Variants in MCC observed in about 807,000 individuals in gnomAD.
MCC encodes colorectal mutant cancer protein.
Under a neutral mutation model 116.2 loss-of-function variants are expected in MCC, and 90 were observed. The ratio of observed to expected loss-of-function variants is 0.77; its 90% CI spans 0.65 to 0.92. MCC has a LOEUF of 0.92. Among genes scored for constraint, MCC ranks in the 40% least tolerant of loss-of-function variants. The pLI is 0.00. For missense variants in MCC, 1,516 were observed against 1,312.2 expected (o/e 1.16, Z -2.40); for synonymous variants, 578 against 510.5 (o/e 1.13, Z -1.78).
At chr5:113,165,595 C>T (rs1343994972) in intron 3 of MCC, among the ~76,000 whole-genome samples, 1 of 152,106 alleles carries the variant, frequency 6.6e-6, no homozygotes, top group Non-Finnish European at 1.5e-5. Flanking sequence ...CTCTGTGACA[C>T]CCTTGAAAGA....
intron 3 of MCC, among the ~76,000 whole-genome samples, chr5:113,317,259 C>T (rs182506978): frequency 1.3e-5 from 2 of 152,288 alleles, no homozygotes; most frequent in South Asian, 2.1e-4. Flanking sequence ...TTTCTGTTCG[C>T]TAACCCACTT....
chr5:113,063,817 T>G (rs1266085354), intron 14 of MCC, among the ~76,000 whole-genome samples, 167 bp downstream of exon 14: 1 of 152,234 alleles, frequency 6.6e-6, no homozygotes, highest in Non-Finnish European at 1.5e-5. Context: ...GCTCTTCTGT[T>G]CTGATCTTCT....
rs921645012 is a variant in MCC, at chr5:113,023,864, A to G, written c.*3438T>C. ...TTATAATTCTCGTGGGCCATAGGAA[A>G]CACCTTCAGAAGGGAACAAGCAACT... On this transcript the variant is annotated 3_prime_UTR_variant, in exon 19 of 19. Coordinates refer to ENST00000408903, the MANE Select transcript of MCC (RefSeq NM_001085377.2). 18 of 152,342 alleles carry G rather than the reference A, an allele frequency of 1.2e-4. No homozygotes were observed. The highest frequency in any genetic ancestry group is 4.1e-4 in the African/African-American group (17 of 41,592). 9.4% of individuals were successfully genotyped at this position (152,342 alleles called of 1,614,324 possible).
intron 11 of MCC, among the ~76,000 whole-genome samples, chr5:113,073,596 C>T (rs557905492): frequency 2.2e-4 from 34 of 152,290 alleles, no homozygotes; most frequent in Middle Eastern, 3.4e-3. Flanking sequence ...TTGGACAATT[C>T]CTCTTTCAGG....
intron 1 of MCC, among the ~76,000 whole-genome samples, chr5:113,483,771 A>G (rs574829341): frequency 5.7e-4 from 87 of 152,296 alleles, no homozygotes; most frequent in Non-Finnish European, 9.6e-4. Flanking sequence ...TGTTCACAAT[A>G]GTAAAGACAT....
chr5:113,457,255 G>T (rs1287300653), intron 1 of MCC, among the ~76,000 whole-genome samples: 1 of 152,244 alleles, frequency 6.6e-6, no homozygotes, highest in Non-Finnish European at 1.5e-5. Context: ...GGCTGGGCCT[G>T]CAGGCCCCAG....
chr5:113,278,149 CA>C (rs887757552), intron 3 of MCC, among the ~76,000 whole-genome samples: 2 of 147,698 alleles, frequency 1.4e-5, no homozygotes, highest in African/African-American at 5.0e-5. Flanking sequence ...ATGCAAACAG[CA>C]GGGACTTCAG....
intron 1 of MCC, among the ~76,000 whole-genome samples, chr5:113,422,048 C>T (rs996443270): frequency 6.6e-6 from 1 of 152,112 alleles, no homozygotes; most frequent in African/African-American, 2.4e-5. Flanking sequence ...TTAGTGAATC[C>T]CTAACAGCAG....
At chr5:113,217,380 T>C (rs1396003656) in intron 3 of MCC, among the ~76,000 whole-genome samples, 2 of 152,186 alleles carry the variant, frequency 1.3e-5, no homozygotes, top group African/African-American at 4.8e-5. Context: ...TTTTGAAGAG[T>C]AGACATTTTG....
At chr5:113,088,834 C>T (rs1056801075) in intron 8 of MCC, among the ~76,000 whole-genome samples, 2 of 152,082 alleles carry the variant, frequency 1.3e-5, no homozygotes, top group African/African-American at 2.4e-5. Flanking sequence ...TTTTGAGACA[C>T]GGTCTCACTA....
chr5:113,296,227 G>A (rs1486963519), intron 3 of MCC, among the ~76,000 whole-genome samples: 1 of 152,148 alleles, frequency 6.6e-6, no homozygotes, highest in Admixed American at 6.5e-5. Flanking sequence ...GTTGAAAACT[G>A]CATGTTTGAA....
In MCC at chr5:113,483,706, G is replaced by A. The variant is rs1337195360; in HGVS notation, c.170+4539C>T. ...CTCATTACTAGGTATATACTCAAAG[G>A]AATATAAATCGTTGTATTATAAAGA... On this transcript the variant is annotated intron_variant, in intron 1 of 18. Transcript: ENST00000408903. Among the ~76,000 whole-genome samples the A allele has an allele frequency of 2.6e-5, 4 of 151,998 alleles. No individual in the cohort carries two copies. In the East Asian group the frequency reaches 7.7e-4, roughly 29 times the overall value.
At chr5:113,286,785 G>C (rs1766279811) in intron 3 of MCC, among the ~76,000 whole-genome samples, 1 of 152,164 alleles carries the variant, frequency 6.6e-6, no homozygotes, top group Non-Finnish European at 1.5e-5. Flanking sequence ...CTGAATTTAA[G>C]AAATATCTTG....
chr5:113,331,614 GTTTGTTTTGTTTTGTTTTGT>G (rs138484557), intron 3 of MCC, among the ~76,000 whole-genome samples: 3 of 149,576 alleles, frequency 2.0e-5, no homozygotes, highest in South Asian at 2.1e-4. Context: ...CTGCTTTTTT[GTTTGTTTTGTTTTGTTTTGT>G]TTTGTTTTGT....
chr5:113,042,864 A>G (rs1048978553), intron 17 of MCC, among the ~76,000 whole-genome samples: 7 of 151,954 alleles, frequency 4.6e-5, no homozygotes, highest in African/African-American at 7.2e-5. Context: ...AAATGTTATT[A>G]AAGGGAATTT....
intron 1 of MCC, among the ~76,000 whole-genome samples, chr5:113,449,592 C>T (rs1554084594): frequency 6.6e-6 from 1 of 152,150 alleles, no homozygotes; most frequent in Non-Finnish European, 1.5e-5. Context: ...GATTGAGAGT[C>T]AGCTTATTTA....
At chr5:113,204,849 G>A (rs1187468259) in intron 3 of MCC, among the ~76,000 whole-genome samples, 2 of 152,174 alleles carry the variant, frequency 1.3e-5, no homozygotes, top group Admixed American at 6.5e-5. Flanking sequence ...TAAACAATCA[G>A]TTTTGAAGTC....
At chr5:113,154,816 T>A (rs1385859534) in intron 3 of MCC, among the ~76,000 whole-genome samples, 1 of 152,226 alleles carries the variant, frequency 6.6e-6, no homozygotes, top group Non-Finnish European at 1.5e-5. Context: ...TTTTGATGCA[T>A]GCATACAATG....
At chr5:113,059,746 T>C (rs1374992001) in intron 14 of MCC, among the ~76,000 whole-genome samples, 2 of 152,246 alleles carry the variant, frequency 1.3e-5, no homozygotes, top group Non-Finnish European at 2.9e-5. Flanking sequence ...TTCCTCTGCA[T>C]CTGTTCATTG....
Sources: allele counts gnomAD v4.1 joint callset (sites outside exome capture counted in the v4.1 genomes callset), GRCh38; gene constraint gnomAD v4.1.1; transcripts MANE v1.5; gene names NCBI Gene and HGNC (gene_info 2026-07-23, HGNC 2026-07-21).